The following GOLGA2 variants were observed in gnomAD, a reference collection of about 807,000 sequenced individuals.
GOLGA2 encodes golgin A2.
GOLGA2 carries 49 observed loss-of-function variants against 148.8 expected under a neutral mutation model. The ratio of observed to expected loss-of-function variants is 0.33; its 90% CI spans 0.26 to 0.42. The LOEUF (loss-of-function observed/expected upper bound fraction) is 0.42. Among genes scored for constraint, GOLGA2 ranks in the 10% least tolerant of loss-of-function variants. The pLI, the probability that GOLGA2 is intolerant of heterozygous loss-of-function variation, is 1.00. For missense variants in GOLGA2, 1,178 were observed against 1,304.6 expected (o/e 0.90, Z 1.49); for synonymous variants, 501 against 511.8 (o/e 0.98, Z 0.28).
rs1389310073 is a variant in GOLGA2 at position 128,257,577 on chromosome 9, C to T, written c.2718+24G>A. On this transcript the variant is annotated intron_variant, in intron 25 of 26. Transcript: ENST00000611957. This position sits in a 1 kb window ranked among gnomAD's most constrained non-coding sequence, Gnocchi z 8.0. ...TGCCCATGCCCGTGCCCACCTCCAC[C>T]CCCAGAGATGTTCCACACCCTACCT... 3 of 1,614,088 alleles carry T rather than the reference C, an allele frequency of 1.9e-6. No homozygotes were observed. The highest frequency in any genetic ancestry group is 2.5e-6 in the Non-Finnish European group (3 of 1,179,962).
At chr9:128,264,200 G>GGA (rs774398149) in intron 12 of GOLGA2, among the ~76,000 whole-genome samples, 3 of 151,008 alleles carry the variant, frequency 2.0e-5, no homozygotes, top group Admixed American at 6.6e-5. Flanking sequence ...GAAGGAACAG[G>GGA]GAGAGAGAGC....
chr9:128,267,505 C>T lies in GOLGA2; in HGVS notation c.514G>A (p.Val172Ile), dbSNP rs1830664318. 2.5e-6 allele frequency: 4 copies of T among 1,612,768 alleles called. No homozygotes were observed. In the East Asian group the frequency reaches 6.7e-5, roughly 27 times the overall value. ...NGLVCESATC[V>I]NGEGPASSAN... ...GACGATGCAGGGCCCTCCCCATTGACACATGTCGCAGACTATAAGAGACGA... is the reference window on the plus strand; with the variant it reads ...GACGATGCAGGGCCCTCCCCATTGATACATGTCGCAGACTATAAGAGACGA... The change falls in exon 7 of 27, where the codon GTC becomes ATC. Residue 172 changes from valine (V) to isoleucine (I), a missense_variant. Physicochemically the swap from Val to Ile is conservative, Grantham distance 29 (BLOSUM62 3). Transcript: ENST00000611957.
intron 8 of GOLGA2, 149 bp downstream of exon 8, chr9:128,267,045 C>G: frequency 1.4e-6 from 1 of 692,774 alleles, no homozygotes; most frequent in Non-Finnish European, 2.6e-6. Context: ...GCTCCGTGCT[C>G]TGGGGTCCCT....
intron 6 of GOLGA2, 139 bp downstream of exon 6, chr9:128,267,795 G>A: frequency 2.7e-6 from 2 of 738,004 alleles, no homozygotes; most frequent in South Asian, 3.3e-5. Context: ...AGAAGGCTCA[G>A]GGAAAAGGCG....
At position 128,262,672 on chromosome 9, in the gene GOLGA2, G is replaced by T; in HGVS notation, c.1025C>A (p.Ser342Ter). ...GACCCGAAGCTTCTCTTCCAATTCT[G>T]ATTTCTCTTGCTTCAGGTCCTCATT... ...QSNEDLKQEKSELEEKLRVLV... is the reference protein window; with the variant it reads ...QSNEDLKQEK Residue 342 changes from serine to a stop codon, truncating the protein, a stop_gained, in exon 14 of 27, where the codon TCA becomes TAA. Transcript: ENST00000611957. LOFTEE classifies it high-confidence loss of function. 6.2e-7 allele frequency: 1 copy of T among 1,613,598 alleles called. No individual in the cohort carries two copies. Among genetic ancestry groups the T allele is most frequent in the Non-Finnish European group, 8.5e-7 (1 of 1,179,650 alleles).
chr9:128,262,919 C>T, intron 13 of GOLGA2, 115 bp downstream of exon 13: 1 of 836,344 alleles, frequency 1.2e-6, no homozygotes, highest in South Asian at 1.4e-5. Flanking sequence ...CTTTGCTGGG[C>T]ACACATGCAC....
At chr9:128,262,790 C>T in intron 13 of GOLGA2, 86 bp from the exon 14 acceptor site, 1 of 1,302,070 alleles carries the variant, frequency 7.7e-7, no homozygotes, top group Non-Finnish European at 1.1e-6. Context: ...TGCCCCACAA[C>T]CACAGAACTG....
Position 128,261,432 on chromosome 9 carries a change from G to A in GOLGA2, c.1332+22C>T, listed in dbSNP as rs976776425. 1 of 1,384,024 alleles carries A rather than the reference G, an allele frequency of 7.2e-7. No individual in the cohort carries two copies. The allele number at this position is 1,384,024 out of a possible 1,614,324, so 85.7% of individuals were successfully genotyped here. A position where few individuals can be genotyped will look rare whatever the true frequency, so the allele number is the denominator to read the frequency against. On this transcript the variant is annotated intron_variant, in intron 16 of 26. Transcript: ENST00000611957. This position sits in a 1 kb window ranked among gnomAD's most constrained non-coding sequence, Gnocchi z 5.7. Reference sequence around the variant, plus strand: ...AAGTGACCTATCTAAGGTTGAGGGGGAGCTGAAGGGTCAGGTCTCACCTGC... The same window carrying A: ...AAGTGACCTATCTAAGGTTGAGGGGAAGCTGAAGGGTCAGGTCTCACCTGC...
In GOLGA2 at chr9:128,260,786, T is replaced by C. The variant is rs957321005; in HGVS notation, c.1437A>G (p.Pro479=). Residue 479 remains proline, a synonymous_variant, in exon 18 of 27, where the codon CCA becomes CCG. Transcript: ENST00000611957. The surrounding 1 kb of genome is among the most constrained non-coding windows in gnomAD (Gnocchi z 4.8). The part of the protein sequence containing the change: ...LRNQMAEPPP[P]EPPAGPSEVE... ...CCTCGGAGGGCCCTGCTGGGGGCTCTGGGGGCGGGGGTTCAGCTGAGAAAG... is the reference window on the plus strand; with the variant it reads ...CCTCGGAGGGCCCTGCTGGGGGCTCCGGGGGCGGGGGTTCAGCTGAGAAAG... 2.5e-6 allele frequency: 4 copies of C among 1,606,992 alleles called. No homozygotes were observed. The highest frequency in any genetic ancestry group is 3.4e-6 in the Non-Finnish European group (4 of 1,176,676).
At chr9:128,262,498 T>G in intron 14 of GOLGA2, 65 bp downstream of exon 14, 1 of 1,509,370 alleles carries the variant, frequency 6.6e-7, no homozygotes. Flanking sequence ...ATGCCCTGCA[T>G]GATCCCTAGA....
At position 128,260,544 on chromosome 9, in the gene GOLGA2, G is replaced by C; in HGVS notation, c.1679C>G (p.Thr560Ser). ...CTGGGAGAGTGCGCGGCTGATGGTA[G>C]TGCGGTCGTTCTGCATGGTCTCCAG... ...QILETMQNDR[T>S]TISRALSQNR... Residue 560 changes from threonine to serine, a missense_variant, in exon 18 of 27, where the codon ACT (threonine) becomes AGT (serine). By Grantham distance (58) the Thr-to-Ser change is moderately conservative. This residue lies in a region of GOLGA2 where 529 missense variants were observed against 521.8 expected (regional missense o/e 1.01). Transcript: ENST00000611957. This position sits in a 1 kb window ranked among gnomAD's most constrained non-coding sequence, Gnocchi z 4.8. 3 of 1,613,176 alleles carry C rather than the reference G, an allele frequency of 1.9e-6. No individual in the cohort carries two copies. The highest frequency in any genetic ancestry group is 2.5e-6 in the Non-Finnish European group (3 of 1,180,012).
Position 128,261,221 on chromosome 9 carries a change from A to G in GOLGA2, c.1371T>C (p.Ser457=), listed in dbSNP as rs1830253329. Residue 457 remains serine (S), a synonymous_variant, in exon 17 of 27, where the codon AGT becomes AGC. Transcript: ENST00000611957. This position sits in a 1 kb window ranked among gnomAD's most constrained non-coding sequence, Gnocchi z 5.7. ...AGCTCGTCTCCAGCTCCTGTACCCG[A>G]CTCATGCTACATTCCTTCTCCTCTC... ...TLREEKECSM[S]RVQELETSLA... is the part of the protein sequence containing the mutation. 6.2e-7 allele frequency: 1 copy of G among 1,613,566 alleles called. No individual in the cohort carries two copies. The highest frequency in any genetic ancestry group is 8.5e-7 in the Non-Finnish European group (1 of 1,179,844).
chr9:128,262,269 G>C (rs980275807), intron 14 of GOLGA2, among the ~76,000 whole-genome samples: 5 of 151,164 alleles, frequency 3.3e-5, no homozygotes, highest in Non-Finnish European at 7.4e-5. Context: ...ACAGACTCAT[G>C]AGCTAGCCAT....
At position 128,258,684 on chromosome 9, in the gene GOLGA2, A is replaced by C. The variant is rs1221357192; in HGVS notation, c.2174-114T>G. On this transcript the variant is annotated intron_variant, in intron 21 of 26. Transcript: ENST00000611957. The surrounding 1 kb of genome is among the most constrained non-coding windows in gnomAD (Gnocchi z 6.6). ...GCCAGCCCCTCCCCAGAGGGAAATA[A>C]GCATCTGTTCTTTATTTTTATTTTA... 3 of 728,074 alleles carry C rather than the reference A, an allele frequency of 4.1e-6. No individual in the cohort carries two copies. The African/African-American group carries it at 5.4e-5, about 13-fold the overall frequency. The allele number at this position is 728,074 out of a possible 1,614,324, so 45.1% of individuals were successfully genotyped here.
At position 128,268,172 on chromosome 9, in the gene GOLGA2, G is replaced by A; in HGVS notation, c.394-12C>T. 1 of 1,610,772 alleles carries A rather than the reference G, an allele frequency of 6.2e-7. No homozygotes were observed. Among genetic ancestry groups the A allele is most frequent in the Non-Finnish European group, 8.5e-7 (1 of 1,176,990 alleles). On this transcript the variant is annotated splice_polypyrimidine_tract_variant and intron_variant, in intron 4 of 26. Transcript: ENST00000611957. ...TCAGCATCATGATTCTGTTTGGGAAGAAACGTGTGAGATGGTCATTCAATT... is the reference window on the plus strand; with the variant it reads ...TCAGCATCATGATTCTGTTTGGGAAAAAACGTGTGAGATGGTCATTCAATT...
In GOLGA2 at chr9:128,260,799, T is replaced by C. The variant is rs749111918; in HGVS notation, c.1424A>G (p.Glu475Gly). The C allele has an allele frequency of 1.3e-6, 2 of 1,598,970 alleles. No homozygotes were observed. The highest frequency in any genetic ancestry group is 1.7e-5 in the Admixed American group (1 of 59,210). Reference protein sequence around the residue: ...SLAELRNQMAEPPPPEPPAGP... With the variant: ...SLAELRNQMAGPPPPEPPAGP... The stretch of plus-strand genomic sequence containing the variant: ...TGCTGGGGGCTCTGGGGGCGGGGGT[T>C]CAGCTGAGAAAGGACGCAGACAATA... The change falls in exon 18 of 27, where the codon GAA (glutamate) becomes GGA (glycine). Residue 475 changes from glutamate to glycine, a missense_variant. This residue lies in a region of GOLGA2 where 529 missense variants were observed against 521.8 expected (regional missense o/e 1.01). Transcript: ENST00000611957. This position sits in a 1 kb window ranked among gnomAD's most constrained non-coding sequence, Gnocchi z 4.8.
At position 128,257,388 on chromosome 9, in the gene GOLGA2, C is replaced by T; in HGVS notation, c.2856G>A (p.Gly952=). The part of the protein sequence containing the change: ...TSGAPAPQEL[G]AANQQGDLCE... ...ACTCACCACCCTGCTGGTTGGCAGC[C>T]CCAAGTTCCTGGGGGGCTGGGGCCC... Residue 952 remains glycine, a synonymous_variant, in exon 26 of 27, where the codon GGG becomes GGA. Coordinates refer to ENST00000611957, the MANE Select transcript of GOLGA2 (RefSeq NM_001366244.2). This position sits in a 1 kb window ranked among gnomAD's most constrained non-coding sequence, Gnocchi z 8.0. 1 of 1,613,082 alleles carries T rather than the reference C, an allele frequency of 6.2e-7. No homozygotes were observed.
intron 3 of GOLGA2, among the ~76,000 whole-genome samples, chr9:128,269,415 C>T (rs1830795371): frequency 6.6e-6 from 1 of 152,152 alleles, no homozygotes; most frequent in East Asian, 1.9e-4. Flanking sequence ...AGAAACCACC[C>T]AAGAAAACAG....
rs570626552 is a variant in GOLGA2 at position 128,274,060 on chromosome 9, T to C, written c.85-88A>G. 10 of 1,272,294 alleles carry C rather than the reference T, an allele frequency of 7.9e-6. No homozygotes were observed. The African/African-American group carries it at 1.2e-4, about 15-fold the overall frequency. The allele number at this position is 1,272,294 out of a possible 1,614,324, so 78.8% of individuals were successfully genotyped here. A position where few individuals can be genotyped will look rare whatever the true frequency, so the allele number is the denominator to read the frequency against. ...TTACAATTTTTCCAAAATACTCTTA[T>C]ATACCATCTGATTTAATGCCACTAA... On this transcript the variant is annotated intron_variant, in intron 1 of 26. Transcript: ENST00000611957.
Sources: gnomAD v4.1 joint callset for allele counts (sites outside exome capture counted in the v4.1 genomes callset) on GRCh38, gnomAD v4.1.1 for gene constraint, gnomAD v4.1.1 regional missense constraint, Gnocchi (gnomAD v3.1) non-coding constraint, MANE v1.5 for transcripts, NCBI Gene and HGNC (gene_info 2026-07-23, HGNC 2026-07-21) for gene names.